Variants in CBR4 observed in about 807,000 individuals in gnomAD.
CBR4 encodes 3-oxoacyl-[acyl-carrier-protein] reductase.
In CBR4, 22 loss-of-function variants were observed where a neutral mutation model predicts 21.0. That is an observed-to-expected ratio of 1.05 (90% CI 0.75 to 1.50). The LOEUF is 1.50. Among genes scored for constraint, CBR4 ranks in the 40% most tolerant of loss-of-function variants. The probability of loss-of-function intolerance (pLI) is 0.00; values close to 1 mark genes in which losing one functional copy is unlikely to be tolerated. For synonymous variants in CBR4, 100 were observed against 104.4 expected (o/e 0.96, Z 0.26); for missense variants, 302 against 286.3 (o/e 1.05, Z -0.40).
intron 2 of CBR4, among the ~76,000 whole-genome samples, chr4:168,982,181 A>G (rs940821257): frequency 5.9e-5 from 9 of 152,172 alleles, no homozygotes; most frequent in Admixed American, 3.3e-4. Context: ...ACCATCTCAC[A>G]TAGAAGGACA....
chr4:168,941,175 C>T (rs749602097), intron 2 of CBR4, among the ~76,000 whole-genome samples: 4 of 151,972 alleles, frequency 2.6e-5, no homozygotes, highest in Admixed American at 6.6e-5. Context: ...CACAGCCTGT[C>T]GGGGGTGGGG....
rs1050402359 is a variant in CBR4, at chr4:169,006,962, A to T, written c.264-71T>A. ...AACCAAAAAGGTCAAGACTAATGTA[A>T]CATTTTTACTGAGAGTGCAAGAAGT... On this transcript the variant is annotated intron_variant, in intron 2 of 4. Coordinates refer to ENST00000306193, the MANE Select transcript of CBR4 (RefSeq NM_032783.5). 10 of 1,229,768 alleles carry T rather than the reference A, an allele frequency of 8.1e-6. No individual in the cohort carries two copies. The Admixed American group carries it at 1.8e-4, about 23-fold the overall frequency. The allele number at this position is 1,229,768 out of a possible 1,614,324, so 76.2% of individuals were successfully genotyped here.
intron 2 of CBR4, among the ~76,000 whole-genome samples, chr4:168,895,725 T>C (rs929833280): frequency 6.6e-6 from 1 of 152,200 alleles, no homozygotes; most frequent in African/African-American, 2.4e-5. Context: ...AGAAAATCCA[T>C]ATATAAGTGG....
rs375457249 is a variant in CBR4, at chr4:168,979,918, T to C, written n.169+22153A>G. 3.2e-3 allele frequency among the ~76,000 whole-genome samples: 480 copies of C among 152,234 alleles called. 6 individuals carry two copies. Among genetic ancestry groups the C allele is most frequent in the African/African-American group, 0.011 (455 of 41,528 alleles). On this transcript the variant is annotated intron_variant and non_coding_transcript_variant, in intron 2 of 3. Transcript: ENST00000509108. ...GAGTGCCTTACTCTCACCTCCAGCA[T>C]GCAGCAGCTGCCCTATGAAGAGGCT... is the stretch of plus-strand genomic sequence containing the variant.
chr4:168,989,455 G>T lies in CBR4; in HGVS notation c.*695C>A. 4.1e-6 allele frequency: 4 copies of T among 985,308 alleles called. No homozygotes were observed. The highest frequency in any genetic ancestry group is 4.8e-6 in the Non-Finnish European group (4 of 829,882). The allele number at this position is 985,308 out of a possible 1,614,324, so 61.0% of individuals were successfully genotyped here. ...TCAATCAAGAGAAATACCACTCAAA[G>T]AAATCAATTCTAAATTCATGTCTTT... is the stretch of plus-strand genomic sequence containing the variant. On this transcript the variant is annotated 3_prime_UTR_variant, in exon 5 of 5. Transcript: ENST00000306193.
intron 2 of CBR4, among the ~76,000 whole-genome samples, chr4:168,945,634 G>A (rs1763378229): frequency 6.6e-6 from 1 of 151,906 alleles, no homozygotes; most frequent in South Asian, 2.1e-4. Context: ...ATTATCTGAT[G>A]GGAAAGGCAA....
intron 4 of CBR4, 70 bp from the exon 5 acceptor site, chr4:168,990,398 A>G: frequency 7.7e-7 from 1 of 1,303,430 alleles, no homozygotes; most frequent in Non-Finnish European, 1.0e-6. Flanking sequence ...CAAAAAAAAT[A>G]ATAAATTTGT....
chr4:168,953,875 T>C (rs141358480), intron 2 of CBR4, among the ~76,000 whole-genome samples: 2 of 152,096 alleles, frequency 1.3e-5, no homozygotes, highest in South Asian at 4.1e-4. Flanking sequence ...TATTATTAAT[T>C]TGTCCAAGCT....
At position 169,002,251 on chromosome 4, in the gene CBR4, A is replaced by G. The variant is rs760697879; in HGVS notation, c.401-46T>C. On this transcript the variant is annotated intron_variant, in intron 3 of 4. Transcript: ENST00000306193. Reference sequence around the variant, plus strand: ...AAAAAAAAAAAAGCGTATTAAATTCAATTAATGGGGTTACTTGAAAATTTA... The same window carrying G: ...AAAAAAAAAAAAGCGTATTAAATTCGATTAATGGGGTTACTTGAAAATTTA... 4 of 1,366,356 alleles carry G rather than the reference A, an allele frequency of 2.9e-6. No individual in the cohort carries two copies. The East Asian group carries it at 1.1e-4, about 37-fold the overall frequency. 84.6% of individuals were successfully genotyped at this position (1,366,356 alleles called of 1,614,324 possible). A position where few individuals can be genotyped will look rare whatever the true frequency, so the allele number is the denominator to read the frequency against.
At position 168,988,498 on chromosome 4, in the gene CBR4, TAGCCAAAGGCC is replaced by T; in HGVS notation, c.*1641_*1651del. The T allele has an allele frequency of 1.0e-6, 1 of 985,382 alleles. No homozygotes were observed. The highest frequency in any genetic ancestry group is 1.2e-6 in the Non-Finnish European group (1 of 829,916). 61.0% of individuals were successfully genotyped at this position (985,382 alleles called of 1,614,324 possible). ...GGCTGCCATAATGGGGAAGTACAGGTAGCCAAAGGCCAGCAATTGAGACAGCATTAGAGAAA... is the reference window on the plus strand; with the variant it reads ...GGCTGCCATAATGGGGAAGTACAGGTAGCAATTGAGACAGCATTAGAGAAA... On this transcript the variant is annotated 3_prime_UTR_variant, in exon 5 of 5. Transcript: ENST00000306193.
At position 168,989,337 on chromosome 4, in the gene CBR4, AC is replaced by A. The variant is rs749806122; in HGVS notation, c.*812del. 3.3e-5 allele frequency: 33 copies of A among 985,236 alleles called. No homozygotes were observed. Among genetic ancestry groups the A allele is most frequent in the Non-Finnish European group, 3.9e-5 (32 of 829,900 alleles). The allele number at this position is 985,236 out of a possible 1,614,324, so 61.0% of individuals were successfully genotyped here. A position where few individuals can be genotyped will look rare whatever the true frequency, so the allele number is the denominator to read the frequency against. On this transcript the variant is annotated 3_prime_UTR_variant, in exon 5 of 5. Transcript: ENST00000306193. ...GTTCACTACTGTACCAGGTATTAAA[AC>A]CTTAAGGGCTAATCCTCTTCACTTA...
rs772016074 is a variant in CBR4 at position 168,915,873 on chromosome 4, C to A, written n.170-21108G>T. 23 of 1,599,796 alleles carry A rather than the reference C, an allele frequency of 1.4e-5. No individual in the cohort carries two copies. In the Admixed American group the frequency reaches 3.8e-4, roughly 27 times the overall value. On this transcript the variant is annotated intron_variant and non_coding_transcript_variant, in intron 2 of 3. Coordinates refer to the CBR4 transcript ENST00000509108. ...AACTACTATCTATATTTCTATCTATCTGTCATCTTTCTTGTTTCAAGGCCT... is the reference window on the plus strand; with the variant it reads ...AACTACTATCTATATTTCTATCTATATGTCATCTTTCTTGTTTCAAGGCCT...
chr4:168,988,028 T>C lies in CBR4; in HGVS notation c.*2122A>G, dbSNP rs1764751975. 1.0e-6 allele frequency: 1 copy of C among 985,428 alleles called. No individual in the cohort carries two copies. Among genetic ancestry groups the C allele is most frequent in the Non-Finnish European group, 1.2e-6 (1 of 829,886 alleles). The allele number at this position is 985,428 out of a possible 1,614,324, so 61.0% of individuals were successfully genotyped here. A position where few individuals can be genotyped will look rare whatever the true frequency, so the allele number is the denominator to read the frequency against. ...GCAAACAGCTACAGATGAGTCTTCTTGTTAAGAATTCATTCAATGCTTCTC... is the reference window on the plus strand; with the variant it reads ...GCAAACAGCTACAGATGAGTCTTCTCGTTAAGAATTCATTCAATGCTTCTC... On this transcript the variant is annotated 3_prime_UTR_variant, in exon 5 of 5. Coordinates refer to ENST00000306193, the MANE Select transcript of CBR4 (RefSeq NM_032783.5).
intron 2 of CBR4, among the ~76,000 whole-genome samples, chr4:168,964,502 G>A (rs979670669): frequency 6.6e-6 from 1 of 152,048 alleles, no homozygotes; most frequent in African/African-American, 2.4e-5. Context: ...GGTAAGCAGT[G>A]GTAAAAATGT....
intron 3 of CBR4, 32 bp from the exon 4 acceptor site, chr4:169,002,237 AGC>A: frequency 8.4e-7 from 1 of 1,185,878 alleles, no homozygotes; most frequent in Non-Finnish European, 1.1e-6. Flanking sequence ...AAAAAAAAAA[AGC>A]GTATTAAATT....
In CBR4 at chr4:169,010,149, C is replaced by G; in HGVS notation, c.-60G>C. ...GAGTGGGAGCCCCTCTCCAGGTTCC[C>G]TCAGGCTTTTAAACAACCGCGGTTC... On this transcript the variant is annotated 5_prime_UTR_variant, in exon 1 of 5. Coordinates refer to ENST00000306193, the MANE Select transcript of CBR4 (RefSeq NM_032783.5). 7.2e-7 allele frequency: 1 copy of G among 1,390,706 alleles called. No homozygotes were observed. The highest frequency in any genetic ancestry group is 9.5e-7 in the Non-Finnish European group (1 of 1,049,870). 86.1% of individuals were successfully genotyped at this position (1,390,706 alleles called of 1,614,324 possible). A position where few individuals can be genotyped will look rare whatever the true frequency, so the allele number is the denominator to read the frequency against.
intron 2 of CBR4, among the ~76,000 whole-genome samples, chr4:168,922,415 A>G (rs933245881): frequency 6.6e-6 from 1 of 152,240 alleles, no homozygotes; most frequent in African/African-American, 2.4e-5. Flanking sequence ...TGCTTCATGT[A>G]CATTATGTAT....
chr4:169,003,486 A>C (rs914894783), intron 3 of CBR4, among the ~76,000 whole-genome samples: 2 of 152,214 alleles, frequency 1.3e-5, no homozygotes, highest in Non-Finnish European at 2.9e-5. Context: ...AGATGTGAAT[A>C]CTGTTGAAAG....
intron 2 of CBR4, among the ~76,000 whole-genome samples, chr4:168,963,132 G>T (rs758832513): frequency 6.6e-6 from 1 of 152,120 alleles, no homozygotes; most frequent in Non-Finnish European, 1.5e-5. Flanking sequence ...TGAAACTAAC[G>T]GAAAGGACTG....
Sources: gnomAD v4.1 joint callset for allele counts (sites outside exome capture counted in the v4.1 genomes callset) on GRCh38, gnomAD v4.1.1 for gene constraint, MANE v1.5 for transcripts, NCBI Gene and HGNC (gene_info 2026-07-23, HGNC 2026-07-21) for gene names.